Variants in RFX3 observed in about 807,000 individuals in gnomAD.
RFX3 encodes the protein regulatory factor X3.
A neutral mutation model predicts 98.6 loss-of-function variants in RFX3; 14 were observed. The observed-to-expected ratio is 0.14, with a 90% CI of 0.09 to 0.22. RFX3 has a LOEUF of 0.22. RFX3 is among the 10% of genes least tolerant of loss of function. The pLI is 1.00. For synonymous variants in RFX3, 383 were observed against 328.4 expected, an observed-to-expected ratio of 1.17 and a Z score of -1.80; for missense variants, 639 against 926.9, an observed-to-expected ratio of 0.69 and a Z score of 4.03.
intron 1 of RFX3, among the ~76,000 whole-genome samples, chr9:3,469,676 A>G (rs1383562723): frequency 6.6e-6 from 1 of 152,122 alleles, no homozygotes; most frequent in East Asian, 1.9e-4. Context: ...TAGCTTTCAA[A>G]TAATTTTTTA....
At chr9:3,396,334 T>C (rs550488615) in intron 1 of RFX3, among the ~76,000 whole-genome samples, 5 of 152,172 alleles carry the variant, frequency 3.3e-5, no homozygotes, top group Non-Finnish European at 7.3e-5. Flanking sequence ...AATGATGGTT[T>C]CCAGCTTCAT....
At chr9:3,521,569 G>T (rs527998966) in intron 1 of RFX3, among the ~76,000 whole-genome samples, 1 of 152,270 alleles carries the variant, frequency 6.6e-6, no homozygotes, top group South Asian at 2.1e-4. Context: ...CAGAATTGTA[G>T]AGTAAAAGTG....
At chr9:3,350,984 T>A (rs963597070) in intron 2 of RFX3, among the ~76,000 whole-genome samples, 4 of 151,910 alleles carry the variant, frequency 2.6e-5, no homozygotes, top group Non-Finnish European at 5.9e-5. Flanking sequence ...TGTAGAACAG[T>A]GAAACTACTC....
Position 3,220,183 on chromosome 9 carries a change from C to T in RFX3, c.*4859G>A, listed in dbSNP as rs778403786. 12 of 152,130 alleles carry T rather than the reference C, an allele frequency of 7.9e-5. No individual in the cohort carries two copies. Among genetic ancestry groups the T allele is most frequent in the Non-Finnish European group, 1.8e-4 (12 of 68,028 alleles). 9.4% of individuals were successfully genotyped at this position (152,130 alleles called of 1,614,324 possible). ...TTATGCCCTGTGTGAAATTCGCAAA[C>T]AATATTTTATGAGCGATCTAACTCC... On this transcript the variant is annotated 3_prime_UTR_variant, in exon 17 of 17. Coordinates refer to ENST00000617270, the MANE Select transcript of RFX3 (RefSeq NM_001282116.2).
In RFX3 at chr9:3,223,705, C is replaced by T. The variant is rs1817485547; in HGVS notation, c.*1337G>A. 1 of 152,184 alleles carries T rather than the reference C, an allele frequency of 6.6e-6. No homozygotes were observed. Among genetic ancestry groups the T allele is most frequent in the Non-Finnish European group, 1.5e-5 (1 of 68,040 alleles). 9.4% of individuals were successfully genotyped at this position (152,184 alleles called of 1,614,324 possible). On this transcript the variant is annotated 3_prime_UTR_variant, in exon 17 of 17. Transcript: ENST00000617270. ...TCCTTTGAAGAACATGTCACCTGTC[C>T]TTACTTCAGGAATCTGAAAATGACA...
At position 3,499,510 on chromosome 9, in the gene RFX3, A is replaced by G. The variant is rs375179684; in HGVS notation, c.-9+26237T>C. On this transcript the variant is annotated intron_variant, in intron 1 of 16. Transcript: ENST00000617270. ...GATTAACACTTAATAAATTATTCAC[A>G]TAAATTTACTAAAATTAGATAGCAT... 3.1e-4 allele frequency among the ~76,000 whole-genome samples: 47 copies of G among 152,202 alleles called. No individual in the cohort carries two copies. In the East Asian group the frequency reaches 6.4e-3, roughly 21 times the overall value.
chr9:3,513,218 C>T (rs562499600), intron 1 of RFX3, among the ~76,000 whole-genome samples: 2 of 152,200 alleles, frequency 1.3e-5, no homozygotes, highest in Non-Finnish European at 2.9e-5. Context: ...TATCTTAGGT[C>T]TCTGCTAGAA....
intron 7 of RFX3, among the ~76,000 whole-genome samples, chr9:3,282,455 T>C (rs1298552829): frequency 6.6e-6 from 1 of 151,810 alleles, no homozygotes; most frequent in East Asian, 1.9e-4. Flanking sequence ...ATGGGCTATA[T>C]GTTAACTGCA....
intron 1 of RFX3, chr9:3,488,675 G>T: frequency 2.4e-6 from 1 of 414,246 alleles, no homozygotes; most frequent in Non-Finnish European, 3.2e-6. Flanking sequence ...TGTTGTCAAG[G>T]CCTTAGACAC....
At chr9:3,366,682 C>CTCCTTTCTTTCCT (rs1837128239) in intron 2 of RFX3, among the ~76,000 whole-genome samples, 1 of 69,970 alleles carries the variant, frequency 1.4e-5, no homozygotes, top group African/African-American at 5.5e-5. Context: ...CTCTTTCTTT[C>CTCCTTTCTTTCCT]TTCTTTCTTT....
chr9:3,366,312 CTTGT>C (rs1229332534), intron 2 of RFX3, among the ~76,000 whole-genome samples: 1 of 152,130 alleles, frequency 6.6e-6, no homozygotes, highest in African/African-American at 2.4e-5. Context: ...TTTCCTACTT[CTTGT>C]TTGTTTTTTT....
At chr9:3,350,655 C>T (rs911760809) in intron 2 of RFX3, among the ~76,000 whole-genome samples, 1 of 152,076 alleles carries the variant, frequency 6.6e-6, no homozygotes, top group African/African-American at 2.4e-5. Context: ...AACTTGGTAA[C>T]AACCAAGATG....
Position 3,228,854 on chromosome 9 carries a change from C to T in RFX3, c.2004G>A (p.Leu668=). ...ATTATTTTCGATTCTTACCTTTATC[C>T]AGATTTCCAGGAGACACGGCATTTA... is the stretch of plus-strand genomic sequence containing the variant. ...GDLNAVSPGN[L]DKDEGSEVES... is the part of the protein sequence containing the mutation. Residue 668 remains leucine (L), a synonymous_variant, in exon 16 of 17, where the codon CTG becomes CTA. Transcript: ENST00000617270. 2 of 1,608,870 alleles carry T rather than the reference C, an allele frequency of 1.2e-6. No individual in the cohort carries two copies. Among genetic ancestry groups the T allele is most frequent in the East Asian group, 4.5e-5 (2 of 44,702 alleles).
intron 4 of RFX3, among the ~76,000 whole-genome samples, chr9:3,314,981 C>A (rs1468724457): frequency 6.6e-6 from 1 of 152,150 alleles, no homozygotes. Context: ...AGAAAGTTAA[C>A]AAGGATATCC....
At chr9:3,315,917 CAG>C (rs1271963662) in intron 4 of RFX3, among the ~76,000 whole-genome samples, 1 of 152,078 alleles carries the variant, frequency 6.6e-6, no homozygotes, top group Non-Finnish European at 1.5e-5. Flanking sequence ...CAGGACCAGA[CAG>C]AGTCACAGCC....
At chr9:3,430,380 T>C (rs1844541562) in intron 1 of RFX3, among the ~76,000 whole-genome samples, 1 of 152,222 alleles carries the variant, frequency 6.6e-6, no homozygotes, top group South Asian at 2.1e-4. Flanking sequence ...TTGTACTCAC[T>C]GGCAAAACAC....
chr9:3,358,611 A>G (rs1022440673), intron 2 of RFX3, among the ~76,000 whole-genome samples: 1 of 152,170 alleles, frequency 6.6e-6, no homozygotes, highest in African/African-American at 2.4e-5. Context: ...AGACCAAATT[A>G]AATAGTGAAA....
intron 1 of RFX3, among the ~76,000 whole-genome samples, chr9:3,427,913 C>G (rs974406096): frequency 2.0e-5 from 3 of 152,052 alleles, no homozygotes; most frequent in African/African-American, 7.2e-5. Flanking sequence ...CCAGCTGCTT[C>G]AACAGGCCTA....
intron 4 of RFX3, among the ~76,000 whole-genome samples, chr9:3,327,889 C>CACA (rs1554666760): frequency 9.6e-5 from 13 of 134,828 alleles, no homozygotes; most frequent in African/African-American, 4.6e-4. Context: ...TATACCTTAT[C>CACA]AAAAAAAAAA....
Sources: allele counts gnomAD v4.1 joint callset (sites outside exome capture counted in the v4.1 genomes callset), GRCh38; gene constraint gnomAD v4.1.1; transcripts MANE v1.5; gene names NCBI Gene and HGNC (gene_info 2026-07-23, HGNC 2026-07-21).